The following TRIM72 variants were observed in gnomAD, a reference collection of about 807,000 sequenced individuals.
TRIM72 encodes tripartite motif-containing protein 72.
A neutral mutation model predicts 31.6 loss-of-function variants in TRIM72; 33 were observed. The ratio of observed to expected loss-of-function variants is 1.04; its 90% CI spans 0.79 to 1.40. The LOEUF (loss-of-function observed/expected upper bound fraction) is 1.40. Ranked by LOEUF, TRIM72 falls within the 40% of genes most tolerant of loss-of-function variation. The pLI is 0.00. For missense variants in TRIM72, 666 were observed against 682.7 expected (o/e 0.98, Z 0.27); for synonymous variants, 301 against 314.4 (o/e 0.96, Z 0.45).
chr16:31,226,646 C>T lies in TRIM72; in HGVS notation c.*1891C>T, dbSNP rs1334300411. 2 of 152,374 alleles carry T rather than the reference C, an allele frequency of 1.3e-5. No homozygotes were observed. Among genetic ancestry groups the T allele is most frequent in the African/African-American group, 4.8e-5 (2 of 41,452 alleles). 9.4% of individuals were successfully genotyped at this position (152,374 alleles called of 1,614,324 possible). A position where few individuals can be genotyped will look rare whatever the true frequency, so the allele number is the denominator to read the frequency against. ...AGAGAAGGCCCCCAACTAGATGTCC[C>T]AGAACTGGCCGCTCCCCACTTACTT... On this transcript the variant is annotated 3_prime_UTR_variant, in exon 7 of 7. Coordinates refer to ENST00000322122, the MANE Select transcript of TRIM72 (RefSeq NM_001008274.4).
At position 31,216,660 on chromosome 16, in the gene TRIM72, G is replaced by A. The variant is rs1596937507; in HGVS notation, c.390+1532G>A. Reference sequence around the variant, plus strand: ...GGAGGACCCCAGGAGGGACCCTGAAGGAGGGGAACAGGAAGGCTCTGGGCG... The same window carrying A: ...GGAGGACCCCAGGAGGGACCCTGAAAGAGGGGAACAGGAAGGCTCTGGGCG... On this transcript the variant is annotated intron_variant, in intron 2 of 6. Coordinates refer to ENST00000322122, the MANE Select transcript of TRIM72 (RefSeq NM_001008274.4). This position sits in a 1 kb window ranked among gnomAD's most constrained non-coding sequence, Gnocchi z 6.7. The A allele has an allele frequency of 2.8e-6, 4 of 1,415,834 alleles. No individual in the cohort carries two copies. The East Asian group carries it at 6.9e-5, about 24-fold the overall frequency. The allele number at this position is 1,415,834 out of a possible 1,614,324, so 87.7% of individuals were successfully genotyped here.
rs758057099 is a variant in TRIM72 at position 31,214,811 on chromosome 16, G to A, written c.73G>A (p.Val25Met). Residue 25 changes from valine to methionine, a missense_variant, in exon 2 of 7, where the codon GTG becomes ATG. Val to Met is a conservative substitution (Grantham distance 21). Transcript: ENST00000322122. ...PLCLQLFDAP[V>M]TAECGHSFCR... is the part of the protein sequence containing the mutation. ...GTGCCTGCAGCTGTTCGACGCGCCC[G>A]TGACAGCCGAGTGCGGCCACAGTTT... is the stretch of plus-strand genomic sequence containing the variant. The A allele has an allele frequency of 1.6e-5, 25 of 1,573,780 alleles. No homozygotes were observed. Among genetic ancestry groups the A allele is most frequent in the Admixed American group, 1.4e-4 (8 of 57,930 alleles).
chr16:31,224,253 T>A lies in TRIM72; in HGVS notation c.932T>A (p.Val311Glu). The A allele has an allele frequency of 6.2e-7, 1 of 1,605,222 alleles. No individual in the cohort carries two copies. Among genetic ancestry groups the A allele is most frequent in the Non-Finnish European group, 8.5e-7 (1 of 1,179,748 alleles). ...SLVVSSSGRRVECSEQKAPPA... is the reference protein window; with the variant it reads ...SLVVSSSGRREECSEQKAPPA... ...GTGGTGTCTTCCTCTGGCCGCCGCG[T>A]GGAGTGCTCGGAGCAGAAGGCGCCG... Residue 311 changes from valine (V) to glutamate (E), a missense_variant, in exon 7 of 7, where the codon GTG becomes GAG. Val to Glu is a moderately radical substitution (Grantham distance 121). Transcript: ENST00000322122.
rs2079510063 is a variant in TRIM72, at chr16:31,216,642, C to T, written c.390+1514C>T. ...GCTGGCCGGAGGTCTGAGGGAGGAC[C>T]CCAGGAGGGACCCTGAAGGAGGGGA... is the stretch of plus-strand genomic sequence containing the variant. On this transcript the variant is annotated intron_variant, in intron 2 of 6. Coordinates refer to ENST00000322122, the MANE Select transcript of TRIM72 (RefSeq NM_001008274.4). The surrounding 1 kb of genome is among the most constrained non-coding windows in gnomAD (Gnocchi z 6.7). 7 of 1,301,964 alleles carry T rather than the reference C, an allele frequency of 5.4e-6. No individual in the cohort carries two copies. Among genetic ancestry groups the T allele is most frequent in the Non-Finnish European group, 7.4e-6 (7 of 946,420 alleles). The allele number at this position is 1,301,964 out of a possible 1,614,324, so 80.7% of individuals were successfully genotyped here. A position where few individuals can be genotyped will look rare whatever the true frequency, so the allele number is the denominator to read the frequency against.
chr16:31,220,054 C>T lies in TRIM72; in HGVS notation c.717+535C>T, dbSNP rs138920902. On this transcript the variant is annotated intron_variant, in intron 4 of 6. Coordinates refer to ENST00000322122, the MANE Select transcript of TRIM72 (RefSeq NM_001008274.4). ...CTGGGATTACAGGCGTGAGCCACCGCGCCTGGTCTTTTTTTTAAAGGCAGG... is the reference window on the plus strand; with the variant it reads ...CTGGGATTACAGGCGTGAGCCACCGTGCCTGGTCTTTTTTTTAAAGGCAGG... Among the ~76,000 whole-genome samples, 1,116 of 146,978 alleles carry T rather than the reference C, an allele frequency of 7.6e-3. 13 individuals are homozygous for T. Among genetic ancestry groups the T allele is most frequent in the African/African-American group, 0.026 (1,044 of 39,484 alleles).
chr16:31,224,506 G>GGA lies in TRIM72; in HGVS notation c.1187_1188dup (p.Ala397ArgfsTer22). On this transcript the variant is annotated frameshift_variant, in exon 7 of 7. Transcript: ENST00000322122. LOFTEE classifies it low-confidence loss of function (END_TRUNC). ...AGGGCAAGATCCTGGAGGCACACGT[G>GGA]GAGGCCAAGGAGCCGCGCGCTCTGC... The GGA allele has an allele frequency of 6.7e-7, 1 of 1,492,898 alleles. No homozygotes were observed. Among genetic ancestry groups the GGA allele is most frequent in the South Asian group, 1.3e-5 (1 of 77,900 alleles). 92.5% of individuals were successfully genotyped at this position (1,492,898 alleles called of 1,614,324 possible).
rs2079512635 is a variant in TRIM72 at position 31,216,977 on chromosome 16, C to T, written c.390+1849C>T. ...TTCATCTTGAACTTCTTGAGCTCCT[C>T]CGGTGTCAGGTTCTCCAGCACCTTC... On this transcript the variant is annotated intron_variant, in intron 2 of 6. Transcript: ENST00000322122. The surrounding 1 kb of genome is among the most constrained non-coding windows in gnomAD (Gnocchi z 6.7). The T allele has an allele frequency of 6.2e-7, 1 of 1,614,164 alleles. No individual in the cohort carries two copies. Among genetic ancestry groups the T allele is most frequent in the Non-Finnish European group, 8.5e-7 (1 of 1,180,006 alleles).
At position 31,219,422 on chromosome 16, in the gene TRIM72, G is replaced by A. The variant is rs572271373; in HGVS notation, c.620G>A (p.Arg207Gln). Residue 207 changes from arginine (R) to glutamine (Q), a missense_variant, in exon 4 of 7, where the codon CGG becomes CAG. By Grantham distance (43) the Arg-to-Gln change is conservative. Coordinates refer to ENST00000322122, the MANE Select transcript of TRIM72 (RefSeq NM_001008274.4). This position sits in a 1 kb window ranked among gnomAD's most constrained non-coding sequence, Gnocchi z 4.2. ...GGTGAGGCAGGGGTCGCCTTGCGCC[G>A]GGAGCTGGGGAGCCTGAACTCTTAC... is the stretch of plus-strand genomic sequence containing the variant. ...VRGEAGVALR[R>Q]ELGSLNSYLE... is the part of the protein sequence containing the mutation. The A allele has an allele frequency of 1.7e-5, 27 of 1,613,220 alleles. No individual in the cohort carries two copies. Among genetic ancestry groups the A allele is most frequent in the South Asian group, 1.4e-4 (13 of 91,042 alleles).
Position 31,215,193 on chromosome 16 carries a change from C to T in TRIM72, c.390+65C>T, listed in dbSNP as rs1442190872. 6 of 1,411,088 alleles carry T rather than the reference C, an allele frequency of 4.3e-6. No homozygotes were observed. The highest frequency in any genetic ancestry group is 5.5e-6 in the Non-Finnish European group (6 of 1,090,624). 87.4% of individuals were successfully genotyped at this position (1,411,088 alleles called of 1,614,324 possible). The stretch of plus-strand genomic sequence containing the variant: ...GGTGGCACGGGGCCGATGGGGAGGT[C>T]GCTGCAGTGATTTGGATTCTGAGTC... On this transcript the variant is annotated intron_variant, in intron 2 of 6. Transcript: ENST00000322122. This position sits in a 1 kb window ranked among gnomAD's most constrained non-coding sequence, Gnocchi z 6.3.
Position 31,215,224 on chromosome 16 carries a change from A to C in TRIM72, c.390+96A>C, listed in dbSNP as rs1227123535. ...AGTGATTTGGATTCTGAGTCTCTAG[A>C]GAGGCTCACGAGCTCCTGGAGTTGC... On this transcript the variant is annotated intron_variant, in intron 2 of 6. Coordinates refer to ENST00000322122, the MANE Select transcript of TRIM72 (RefSeq NM_001008274.4). This position sits in a 1 kb window ranked among gnomAD's most constrained non-coding sequence, Gnocchi z 6.3. The C allele has an allele frequency of 1.3e-5, 17 of 1,284,122 alleles. No homozygotes were observed. Among genetic ancestry groups the C allele is most frequent in the Non-Finnish European group, 1.7e-5 (17 of 994,014 alleles). 79.5% of individuals were successfully genotyped at this position (1,284,122 alleles called of 1,614,324 possible).
chr16:31,216,408 A>T lies in TRIM72; in HGVS notation c.390+1280A>T. The T allele has an allele frequency of 3.6e-6, 1 of 277,222 alleles. No individual in the cohort carries two copies. The highest frequency in any genetic ancestry group is 6.8e-6 in the Non-Finnish European group (1 of 147,494). 17.2% of individuals were successfully genotyped at this position (277,222 alleles called of 1,614,324 possible). A position where few individuals can be genotyped will look rare whatever the true frequency, so the allele number is the denominator to read the frequency against. ...CTTTGTTCTTTTGCTCTTTGCAATA[A>T]ATCTTGCTGCCGCTAAAAAAAAAAC... On this transcript the variant is annotated intron_variant, in intron 2 of 6. Transcript: ENST00000322122. This position sits in a 1 kb window ranked among gnomAD's most constrained non-coding sequence, Gnocchi z 6.7.
rs753193032 is a variant in TRIM72 at position 31,224,686 on chromosome 16, G to C, written c.1365G>C (p.Val455=). The change falls in exon 7 of 7, where the codon GTG becomes GTC. Residue 455 remains valine, a synonymous_variant. Transcript: ENST00000322122. ...GGCCCGTGTACCCCTTCTTCGACGT[G>C]TGCTGGCACGACAAGGGCAAGAATG... ...LPRPVYPFFD[V]CWHDKGKNAQ... is the part of the protein sequence containing the mutation. The C allele has an allele frequency of 8.4e-6, 13 of 1,547,574 alleles. No homozygotes were observed. The South Asian group carries it at 1.4e-4, about 17-fold the overall frequency.
At position 31,216,900 on chromosome 16, in the gene TRIM72, C is replaced by G; in HGVS notation, c.390+1772C>G. ...GGTCCACGATATCTAGCTGCCCGAGCGCGCCCCGCGGGATGCGCTCAAAGC... is the reference window on the plus strand; with the variant it reads ...GGTCCACGATATCTAGCTGCCCGAGGGCGCCCCGCGGGATGCGCTCAAAGC... On this transcript the variant is annotated intron_variant, in intron 2 of 6. Transcript: ENST00000322122. The surrounding 1 kb of genome is among the most constrained non-coding windows in gnomAD (Gnocchi z 6.7). 1.2e-6 allele frequency: 2 copies of G among 1,613,916 alleles called. No homozygotes were observed. Among genetic ancestry groups the G allele is most frequent in the South Asian group, 1.1e-5 (1 of 91,088 alleles).
Position 31,224,532 on chromosome 16 carries a change from G to A in TRIM72, c.1211G>A (p.Arg404His). 1 of 1,519,832 alleles carries A rather than the reference G, an allele frequency of 6.6e-7. No homozygotes were observed. The highest frequency in any genetic ancestry group is 8.8e-7 in the Non-Finnish European group (1 of 1,138,200). The allele number at this position is 1,519,832 out of a possible 1,614,324, so 94.1% of individuals were successfully genotyped here. ...HVEAKEPRAL[R>H]SPERRPTRIG... ...GAGGCCAAGGAGCCGCGCGCTCTGC[G>A]CAGCCCCGAGAGGCGGCCCACGCGC... The change falls in exon 7 of 7, where the codon CGC becomes CAC. Residue 404 changes from arginine (R) to histidine (H), a missense_variant. Coordinates refer to ENST00000322122, the MANE Select transcript of TRIM72 (RefSeq NM_001008274.4).
In TRIM72 at chr16:31,220,456, G is replaced by GGTT. The variant is rs2079528362; in HGVS notation, c.718-440_718-439insGTT. 1.0e-4 allele frequency among the ~76,000 whole-genome samples: 3 copies of GGTT among 29,560 alleles called. No individual in the cohort carries two copies. In the Admixed American group the frequency reaches 2.0e-3, roughly 20 times the overall value. 19.4% of individuals were successfully genotyped at this position (29,560 alleles called of 152,430 possible). A position where few individuals can be genotyped will look rare whatever the true frequency, so the allele number is the denominator to read the frequency against. On this transcript the variant is annotated intron_variant, in intron 4 of 6. Transcript: ENST00000322122. ...GCCTTGAGTTCTAGGTCTCTTTTGC[G>GGTT]TTTTTTTTTTTTTTTTTTTTTTTTT...
rs1360805782 is a variant in TRIM72 at position 31,227,880 on chromosome 16, C to T, written c.*3125C>T. 1 of 152,308 alleles carries T rather than the reference C, an allele frequency of 6.6e-6. No homozygotes were observed. The highest frequency in any genetic ancestry group is 1.9e-4 in the East Asian group (1 of 5,202). The allele number at this position is 152,308 out of a possible 1,614,324, so 9.4% of individuals were successfully genotyped here. ...CGAGCTCCTGGCCTCAAGCGATCCT[C>T]CCATCTTGGCTTCCCAAAGTGTTGG... On this transcript the variant is annotated 3_prime_UTR_variant, in exon 7 of 7. Transcript: ENST00000322122.
chr16:31,230,414 CT>C lies in TRIM72; in HGVS notation c.*5660del, dbSNP rs1363687802. ...TGCTTCCCCCTGCACAGATCTCCCC[CT>C]GCCCCACAAAATGCTTAAAAGGTAA... On this transcript the variant is annotated 3_prime_UTR_variant, in exon 7 of 7. Coordinates refer to ENST00000322122, the MANE Select transcript of TRIM72 (RefSeq NM_001008274.4). 2.0e-5 allele frequency: 3 copies of C among 152,346 alleles called. No individual in the cohort carries two copies. The highest frequency in any genetic ancestry group is 4.4e-5 in the Non-Finnish European group (3 of 68,176). 9.4% of individuals were successfully genotyped at this position (152,346 alleles called of 1,614,324 possible).
At position 31,229,316 on chromosome 16, in the gene TRIM72, C is replaced by G. The variant is rs747457738; in HGVS notation, c.*4561C>G. 1 of 152,288 alleles carries G rather than the reference C, an allele frequency of 6.6e-6. No individual in the cohort carries two copies. The highest frequency in any genetic ancestry group is 2.4e-5 in the African/African-American group (1 of 41,458). 9.4% of individuals were successfully genotyped at this position (152,288 alleles called of 1,614,324 possible). ...AGCCAGAGCCACCGTCCAAACACTC[C>G]TGTGCCTTCCGGGACCCGGGCTGGC... On this transcript the variant is annotated 3_prime_UTR_variant, in exon 7 of 7. Transcript: ENST00000322122.
rs1409209161 is a variant in TRIM72, at chr16:31,220,911, A to G, written c.733A>G (p.Thr245Ala). 2 of 1,613,982 alleles carry G rather than the reference A, an allele frequency of 1.2e-6. No homozygotes were observed. The highest frequency in any genetic ancestry group is 2.7e-5 in the African/African-American group (2 of 74,886). Residue 245 changes from threonine (T) to alanine (A), a missense_variant, in exon 5 of 7, where the codon ACC becomes GCC. Transcript: ENST00000322122. Reference sequence around the variant, plus strand: ...CTCTCTCCAGAAATACTGCCTGGTGACCAGCAGGTGAGAGCAACCTGGCCC... The same window carrying G: ...CTCTCTCCAGAAATACTGCCTGGTGGCCAGCAGGTGAGAGCAACCTGGCCC... ...TEFLMKYCLV[T>A]SRLQKILAES...
Sources: allele counts gnomAD v4.1 joint callset (sites outside exome capture counted in the v4.1 genomes callset), GRCh38; gene constraint gnomAD v4.1.1; non-coding constraint Gnocchi (gnomAD v3.1); transcripts MANE v1.5; gene names NCBI Gene and HGNC (gene_info 2026-07-23, HGNC 2026-07-21).